The following ACYP2 variants were observed in gnomAD, a reference collection of about 807,000 sequenced individuals.
The protein encoded by ACYP2 is acylphosphatase 2.
In ACYP2, 12 loss-of-function variants were observed where a neutral mutation model predicts 11.2. That is an observed-to-expected ratio of 1.08 (90% CI 0.69 to 1.74). The LOEUF is 1.74. Among genes scored for constraint, ACYP2 ranks in the 40% most tolerant of loss-of-function variants. ACYP2 has a pLI of 0.00. For missense variants in ACYP2, 134 were observed against 101.9 expected (o/e 1.31, Z -1.35); for synonymous variants, 43 against 32.2 (o/e 1.33, Z -1.13).
chr2:54,141,798 C>CAT, intron 6 of ACYP2: 1 of 467,066 alleles, frequency 2.1e-6, no homozygotes, highest in Non-Finnish European at 3.9e-6. Context: ...AGAAAACTTA[C>CAT]ATGATTGTGT....
At chr2:54,162,556 C>G (rs1682766068) in intron 6 of ACYP2, among the ~76,000 whole-genome samples, 1 of 152,042 alleles carries the variant, frequency 6.6e-6, no homozygotes, top group South Asian at 2.1e-4. Context: ...ATTCTCGGCT[C>G]CCACCCTAGA....
At position 54,201,642 on chromosome 2, in the gene ACYP2, C is replaced by CTTTCTT. The variant is rs1558608859; in HGVS notation, c.404+62896_404+62901dup. 3.8e-5 allele frequency among the ~76,000 whole-genome samples: 3 copies of CTTTCTT among 78,332 alleles called. No homozygotes were observed. In the South Asian group the frequency reaches 1.5e-3, roughly 40 times the overall value. The allele number at this position is 78,332 out of a possible 152,430, so 51.4% of individuals were successfully genotyped here. A position where few individuals can be genotyped will look rare whatever the true frequency, so the allele number is the denominator to read the frequency against. ...TTTCTTTGTTTCTTTCTTTCTCTTTCTTTCTTTCTTTCTTTCTTTCTTTCT... is the reference window on the plus strand; with the variant it reads ...TTTCTTTGTTTCTTTCTTTCTCTTTCTTTCTTTTTCTTTCTTTCTTTCTTTCTTTCT... On this transcript the variant is annotated intron_variant, in intron 6 of 6. Coordinates refer to ENST00000607452, the MANE Select transcript of ACYP2 (RefSeq NM_001320586.2).
At chr2:54,039,217 GT>G (rs546709588) in intron 2 of ACYP2, among the ~76,000 whole-genome samples, 7,978 of 126,066 alleles carry the variant, frequency 0.063, 300 homozygotes, top group African/African-American at 0.11. Flanking sequence ...ATCTTTGGAA[GT>G]TTTTTTTTTT....
chr2:54,189,104 A>T (rs1414672472), intron 6 of ACYP2, among the ~76,000 whole-genome samples: 2 of 152,198 alleles, frequency 1.3e-5, no homozygotes, highest in Non-Finnish European at 2.9e-5. Context: ...ATACATGTGG[A>T]TAGTAAAATG....
At chr2:54,279,090 A>G (rs1345343187) in intron 6 of ACYP2, among the ~76,000 whole-genome samples, 11 of 152,214 alleles carry the variant, frequency 7.2e-5, no homozygotes, top group Non-Finnish European at 1.3e-4. Context: ...CAACCACAAC[A>G]AAAGTATATT....
intron 2 of ACYP2, among the ~76,000 whole-genome samples, chr2:53,993,789 A>T (rs1283775694): frequency 1.3e-5 from 2 of 152,092 alleles, no homozygotes; most frequent in Admixed American, 6.6e-5. Flanking sequence ...CTCAGTTGGG[A>T]GTAGAGGGTT....
intron 6 of ACYP2, among the ~76,000 whole-genome samples, chr2:54,252,999 G>A (rs886705472): frequency 3.9e-5 from 6 of 151,966 alleles, no homozygotes; most frequent in Non-Finnish European, 7.4e-5. Context: ...TGAATCATGA[G>A]GTCAGGAGTT....
chr2:54,045,773 G>A (rs1031712069), intron 2 of ACYP2, among the ~76,000 whole-genome samples: 106 of 151,990 alleles, frequency 7.0e-4, no homozygotes, highest in East Asian at 1.2e-3. Flanking sequence ...CCAAAATCAC[G>A]CCACTGCACT....
At chr2:54,242,276 C>T (rs1686759732) in intron 6 of ACYP2, among the ~76,000 whole-genome samples, 1 of 152,238 alleles carries the variant, frequency 6.6e-6, no homozygotes, top group African/African-American at 2.4e-5. Context: ...ATGCAAACCA[C>T]CAGGCTTGGT....
intron 6 of ACYP2, chr2:54,223,095 C>A (rs1314242780): frequency 6.6e-6 from 1 of 152,178 alleles, no homozygotes; most frequent in Non-Finnish European, 1.5e-5. Context: ...TGAGTGCCTT[C>A]TTTGACTCTG....
chr2:54,301,465 C>T (rs559821854), intron 6 of ACYP2, among the ~76,000 whole-genome samples: 5 of 152,074 alleles, frequency 3.3e-5, no homozygotes, highest in Non-Finnish European at 7.4e-5. Flanking sequence ...TATTATTTTC[C>T]AAACTCTTCT....
chr2:54,295,572 G>A (rs1275835787), intron 6 of ACYP2, among the ~76,000 whole-genome samples: 1 of 152,164 alleles, frequency 6.6e-6, no homozygotes. Flanking sequence ...AAGGTAGGCA[G>A]ATGACAAAGG....
intron 2 of ACYP2, among the ~76,000 whole-genome samples, chr2:54,004,969 G>T (rs1357031737): frequency 1.3e-5 from 2 of 150,706 alleles, no homozygotes; most frequent in African/African-American, 4.9e-5. Context: ...CAGTCTAACA[G>T]TCTTCTATCA....
At chr2:54,054,438 T>G (rs929430513) in intron 3 of ACYP2, among the ~76,000 whole-genome samples, 1 of 152,248 alleles carries the variant, frequency 6.6e-6, no homozygotes, top group Non-Finnish European at 1.5e-5. Flanking sequence ...TTCGAAGTCC[T>G]TGTGATATTC....
chr2:54,200,496 T>A (rs1038285344), intron 6 of ACYP2, among the ~76,000 whole-genome samples: 44 of 152,226 alleles, frequency 2.9e-4, no homozygotes, highest in Admixed American at 2.8e-3. Context: ...GGACATTTCA[T>A]ATAAATGGTA....
intron 2 of ACYP2, among the ~76,000 whole-genome samples, chr2:54,023,279 C>T (rs1179447604): frequency 6.6e-6 from 1 of 152,026 alleles, no homozygotes; most frequent in Non-Finnish European, 1.5e-5. Flanking sequence ...AGTGGAATTG[C>T]TAGCTCTTAT....
At position 54,255,391 on chromosome 2, in the gene ACYP2, G is replaced by A. The variant is rs756591031; in HGVS notation, c.405-49297G>A. Reference sequence around the variant, plus strand: ...CAGCTGTGGGTGGTGGCGGAAAGCAGTGACCCAGAAGCCCGGGATATTGCG... The same window carrying A: ...CAGCTGTGGGTGGTGGCGGAAAGCAATGACCCAGAAGCCCGGGATATTGCG... On this transcript the variant is annotated intron_variant, in intron 6 of 6. Transcript: ENST00000607452. 7.4e-6 allele frequency: 12 copies of A among 1,613,936 alleles called. No homozygotes were observed. The Admixed American group carries it at 8.3e-5, about 11-fold the overall frequency.
At position 54,239,224 on chromosome 2, in the gene ACYP2, A is replaced by G. The variant is rs192653157; in HGVS notation, c.405-65464A>G. ...TTTTGCCAGATTGCCTGAAGTCAGC[A>G]TGCCTTCCTGATGGTCATGGACTGT... On this transcript the variant is annotated intron_variant, in intron 6 of 6. Transcript: ENST00000607452. Among the ~76,000 whole-genome samples, 301 of 152,240 alleles carry G rather than the reference A, an allele frequency of 2.0e-3. 5 individuals carry two copies. The highest frequency in any genetic ancestry group is 0.018 in the Admixed American group (271 of 15,300).
intron 4 of ACYP2, among the ~76,000 whole-genome samples, chr2:54,105,434 C>T (rs766304567): frequency 1.6e-4 from 24 of 152,070 alleles, no homozygotes; most frequent in Non-Finnish European, 3.2e-4. Context: ...CCCAGACAAC[C>T]TCTCTAAGCC....
Sources: allele counts gnomAD v4.1 joint callset (sites outside exome capture counted in the v4.1 genomes callset), GRCh38; gene constraint gnomAD v4.1.1; transcripts MANE v1.5; gene names NCBI Gene and HGNC (gene_info 2026-07-23, HGNC 2026-07-21).